CNTN4: variants seen among roughly 807,000 people sequenced by gnomAD.
CNTN4 encodes the protein contactin 4.
Under a neutral mutation model 122.5 loss-of-function variants are expected in CNTN4, and 77 were observed. The observed-to-expected ratio is 0.63, with a 90% confidence interval of 0.52 to 0.76. CNTN4 has a LOEUF of 0.76. CNTN4 is among the 30% of genes least tolerant of loss of function. The pLI is 0.00. For missense variants in CNTN4, 1,256 were observed against 1,259.1 expected, an observed-to-expected ratio of 1.00 and a Z score of 0.04; for synonymous variants, 512 against 447.0, an observed-to-expected ratio of 1.15 and a Z score of -1.83.
chr3:2,214,906 C>A (rs921952146), intron 2 of CNTN4, among the ~76,000 whole-genome samples: 1 of 152,172 alleles, frequency 6.6e-6, no homozygotes, highest in African/African-American at 2.4e-5. Flanking sequence ...GAAGAAAATA[C>A]TCTTTCGGGA....
At chr3:2,613,534 A>T (rs894843209) in intron 4 of CNTN4, among the ~76,000 whole-genome samples, 6 of 152,154 alleles carry the variant, frequency 3.9e-5, no homozygotes, top group Non-Finnish European at 8.8e-5. Flanking sequence ...TGTATTTCAC[A>T]TTTATACATT....
chr3:2,197,085 G>T (rs1036700786), intron 2 of CNTN4, among the ~76,000 whole-genome samples: 3 of 148,128 alleles, frequency 2.0e-5, no homozygotes, highest in Non-Finnish European at 4.5e-5. Context: ...AAGAAGAAAT[G>T]CCTGGACTCA....
intron 2 of CNTN4, among the ~76,000 whole-genome samples, chr3:2,251,667 C>T (rs1559380053): frequency 1.3e-5 from 2 of 151,606 alleles, no homozygotes; most frequent in South Asian, 2.1e-4. Context: ...TATGTAGTCT[C>T]TTAGGGTGGC....
At chr3:2,675,076 T>C (rs2084768921) in intron 4 of CNTN4, among the ~76,000 whole-genome samples, 1 of 151,100 alleles carries the variant, frequency 6.6e-6, no homozygotes, top group Non-Finnish European at 1.5e-5. Flanking sequence ...AAAAGGCTTC[T>C]GTACAGCAAA....
chr3:2,197,399 A>G (rs2037894208), intron 2 of CNTN4, among the ~76,000 whole-genome samples: 2 of 152,238 alleles, frequency 1.3e-5, no homozygotes, highest in African/African-American at 2.4e-5. Context: ...AAGAATCCGT[A>G]TGAATTATTC....
At chr3:2,670,583 G>A (rs531209791) in intron 4 of CNTN4, among the ~76,000 whole-genome samples, 2 of 152,104 alleles carry the variant, frequency 1.3e-5, no homozygotes, top group East Asian at 3.9e-4. Flanking sequence ...GGAGCATTTA[G>A]CCCATGTACA....
intron 6 of CNTN4, among the ~76,000 whole-genome samples, chr3:2,754,421 C>T (rs2090235799): frequency 6.6e-6 from 1 of 152,012 alleles, no homozygotes; most frequent in South Asian, 2.1e-4. Context: ...TGTAGGGAAA[C>T]TGGCATTATC....
At chr3:2,803,570 T>TG (rs2092396333) in intron 6 of CNTN4, among the ~76,000 whole-genome samples, 1 of 151,602 alleles carries the variant, frequency 6.6e-6, no homozygotes, top group Non-Finnish European at 1.5e-5. Flanking sequence ...TTTTTTTTTT[T>TG]TTTGTTTGAG....
chr3:2,417,124 C>A (rs2047446484), intron 3 of CNTN4, among the ~76,000 whole-genome samples: 1 of 152,204 alleles, frequency 6.6e-6, no homozygotes, highest in African/African-American at 2.4e-5. Flanking sequence ...CTGTCCTGGA[C>A]CAGACAGAAG....
At chr3:2,965,643 C>A (rs1259116312) in intron 13 of CNTN4, among the ~76,000 whole-genome samples, 1 of 152,178 alleles carries the variant, frequency 6.6e-6, no homozygotes, top group Non-Finnish European at 1.5e-5. Context: ...CCAGCATGAT[C>A]TTTCCAAAAT....
chr3:2,152,827 A>G (rs2729018), intron 2 of CNTN4, among the ~76,000 whole-genome samples: 82,847 of 151,868 alleles, frequency 0.55, 23,098 homozygotes, highest in East Asian at 0.68. Context: ...GTACTCCCAG[A>G]TCGGGCTCAG....
At chr3:2,281,383 T>G (rs147133795) in intron 2 of CNTN4, among the ~76,000 whole-genome samples, 1 of 152,122 alleles carries the variant, frequency 6.6e-6, no homozygotes, top group Non-Finnish European at 1.5e-5. Flanking sequence ...ACAACTATTA[T>G]GCTTGTTAGT....
chr3:2,135,477 A>G (rs923209521), intron 2 of CNTN4, among the ~76,000 whole-genome samples: 3 of 152,202 alleles, frequency 2.0e-5, no homozygotes, highest in South Asian at 2.1e-4. Flanking sequence ...CAATGGTAGC[A>G]TATGTGAGCC....
At chr3:2,419,225 A>G (rs1160029099) in intron 3 of CNTN4, among the ~76,000 whole-genome samples, 1 of 152,214 alleles carries the variant, frequency 6.6e-6, no homozygotes, top group East Asian at 1.9e-4. Flanking sequence ...CATACCAAAA[A>G]TTATATTGGA....
At chr3:2,251,128 G>A (rs1389879116) in intron 2 of CNTN4, among the ~76,000 whole-genome samples, 1 of 151,850 alleles carries the variant, frequency 6.6e-6, no homozygotes, top group Non-Finnish European at 1.5e-5. Flanking sequence ...TTATTAAAAT[G>A]CATCCTCTCT....
chr3:2,907,570 CAA>C lies in CNTN4; in HGVS notation c.1207+4579_1207+4580del, dbSNP rs34860687. Among the ~76,000 whole-genome samples the C allele has an allele frequency of 4.7e-3, 632 of 133,750 alleles. 6 individuals are homozygous for C. Among genetic ancestry groups the C allele is most frequent in the African/African-American group, 0.016 (593 of 36,910 alleles). The allele number at this position is 133,750 out of a possible 152,430, so 87.7% of individuals were successfully genotyped here. A position where few individuals can be genotyped will look rare whatever the true frequency, so the allele number is the denominator to read the frequency against. ...CCTGGGTGACAGAGTGAGACTGTCT[CAA>C]AAAAAAAAAAAAATTATCTCTTGAT... is the stretch of plus-strand genomic sequence containing the variant. On this transcript the variant is annotated intron_variant, in intron 12 of 24. Transcript: ENST00000418658.
rs530854874 is a variant in CNTN4, at chr3:2,966,274, CAGTT to C, written c.1359-22068_1359-22065del. Among the ~76,000 whole-genome samples the C allele has an allele frequency of 8.5e-5, 13 of 152,158 alleles. No homozygotes were observed. In the East Asian group the frequency reaches 2.5e-3, roughly 29 times the overall value. The stretch of plus-strand genomic sequence containing the variant: ...TACAGTTGATAGCTAGTATAAATCT[CAGTT>C]AGACATATTTGGATTTTTGGAGGAC... On this transcript the variant is annotated intron_variant, in intron 13 of 24. Coordinates refer to ENST00000418658, the MANE Select transcript of CNTN4 (RefSeq NM_175607.3).
chr3:2,580,127 G>A (rs2079872023), intron 4 of CNTN4, among the ~76,000 whole-genome samples: 1 of 152,104 alleles, frequency 6.6e-6, no homozygotes, highest in South Asian at 2.1e-4. Context: ...TCTTAGTACA[G>A]GACTAAGTAA....
At chr3:2,989,594 T>C (rs943525174) in intron 14 of CNTN4, among the ~76,000 whole-genome samples, 7 of 152,212 alleles carry the variant, frequency 4.6e-5, no homozygotes, top group African/African-American at 1.2e-4. Context: ...ATCATTAACA[T>C]ACTTGACCAT....
Sources: gnomAD v4.1 joint callset for allele counts (sites outside exome capture counted in the v4.1 genomes callset) on GRCh38, gnomAD v4.1.1 for gene constraint, MANE v1.5 for transcripts, NCBI Gene and HGNC (gene_info 2026-07-23, HGNC 2026-07-21) for gene names.